TLCD4: variants seen among roughly 807,000 people sequenced by gnomAD.
The protein encoded by TLCD4 is TLC domain-containing protein 4.
A neutral mutation model predicts 24.2 loss-of-function variants in TLCD4; 7 were observed. That is an observed-to-expected ratio of 0.29 (90% CI 0.16 to 0.54). The LOEUF (loss-of-function observed/expected upper bound fraction) is 0.54, where lower values mean the gene tolerates loss of function less well. TLCD4 is among the 20% of genes least tolerant of loss of function. The pLI is 0.95. For synonymous variants in TLCD4, 103 were observed against 106.4 expected (o/e 0.97, Z 0.20); for missense variants, 259 against 313.9 (o/e 0.82, Z 1.32).
the TLCD4 span, among the ~76,000 whole-genome samples, chr1:95,112,159 C>T: frequency 1.2e-4 from 18 of 152,120 alleles, no homozygotes; most frequent in Middle Eastern, 3.4e-3. Context: ...TTTCCTGTGG[C>T]GACAACCAAG....
intron 5 of TLCD4, among the ~76,000 whole-genome samples, chr1:95,168,709 C>T (rs1678104945): frequency 6.6e-6 from 1 of 152,006 alleles, no homozygotes; most frequent in Admixed American, 6.6e-5. Context: ...CTCTCTCCCA[C>T]TCAGAAATAG....
At chr1:95,174,723 A>G (rs59263520) in intron 6 of TLCD4, among the ~76,000 whole-genome samples, 86 of 152,246 alleles carry the variant, frequency 5.6e-4, no homozygotes, top group African/African-American at 1.5e-3. Context: ...TTTTAAATAC[A>G]TACAATGTAA....
At chr1:95,109,360 A>T in the TLCD4 span, among the ~76,000 whole-genome samples, 1 of 150,492 alleles carries the variant, frequency 6.6e-6, no homozygotes, top group African/African-American at 2.4e-5. Flanking sequence ...ATAAATAAAT[A>T]AAATTAAAAC....
the TLCD4 span, among the ~76,000 whole-genome samples, chr1:95,099,053 C>CAAAAAAAAAA: frequency 0.15 from 10,797 of 69,840 alleles, 1,914 homozygotes; most frequent in Non-Finnish European, 0.21. Flanking sequence ...AACTCTGTCT[C>CAAAAAAAAAA]AAAAAAAAAA....
intron 6 of TLCD4, among the ~76,000 whole-genome samples, chr1:95,185,138 G>A (rs542183243): frequency 6.6e-6 from 1 of 152,028 alleles, no homozygotes; most frequent in South Asian, 2.1e-4. Flanking sequence ...GTTTGGGAGT[G>A]TAGTAAGAAT....
the TLCD4 span, among the ~76,000 whole-genome samples, chr1:95,099,177 C>T: frequency 6.6e-6 from 1 of 151,860 alleles, no homozygotes; most frequent in African/African-American, 2.4e-5. Context: ...CCTATAATTC[C>T]AGCACTTTGG....
At chr1:95,178,261 ATTAT>A (rs1678505000) in intron 6 of TLCD4, among the ~76,000 whole-genome samples, 1 of 135,230 alleles carries the variant, frequency 7.4e-6, no homozygotes, top group African/African-American at 2.8e-5. Context: ...TTTAATTTTT[ATTAT>A]TTATTTGTTT....
intron 1 of TLCD4, among the ~76,000 whole-genome samples, chr1:95,135,466 A>G (rs71654411): frequency 0.091 from 13,171 of 144,256 alleles, 636 homozygotes; most frequent in African/African-American, 0.12. Context: ...GCATGATCTC[A>G]GCTTATTGCA....
At chr1:95,174,993 C>T (rs1385162297) in intron 6 of TLCD4, among the ~76,000 whole-genome samples, 2 of 152,134 alleles carry the variant, frequency 1.3e-5, no homozygotes, top group Non-Finnish European at 2.9e-5. Flanking sequence ...CCAGGCTGGT[C>T]TCAAACTCCT....
In TLCD4 at chr1:95,139,455, A is replaced by ATTTTTT. The variant is rs200337389; in HGVS notation, c.-11-4419_-11-4414dup. The stretch of plus-strand genomic sequence containing the variant: ...ATAAACTTTTTTATTTAAACCTTTG[A>ATTTTTT]TTTTTTTTTTTTTTTTTTTTTTGAG... On this transcript the variant is annotated intron_variant, in intron 1 of 6. Transcript: ENST00000370203. Among the ~76,000 whole-genome samples, 65 of 93,980 alleles carry ATTTTTT rather than the reference A, an allele frequency of 6.9e-4. 2 individuals are homozygous for ATTTTTT. The highest frequency in any genetic ancestry group is 9.1e-4 in the Non-Finnish European group (45 of 49,300). The allele number at this position is 93,980 out of a possible 152,430, so 61.7% of individuals were successfully genotyped here.
Position 95,148,762 on chromosome 1 carries a change from C to T in TLCD4, c.216C>T (p.Phe72=), listed in dbSNP as rs922206667. The T allele has an allele frequency of 1.7e-5, 27 of 1,613,542 alleles. No homozygotes were observed. Among genetic ancestry groups the T allele is most frequent in the East Asian group, 2.2e-5 (1 of 44,826 alleles). Residue 72 remains phenylalanine, a synonymous_variant, in exon 3 of 7, where the codon TTC becomes TTT. Transcript: ENST00000370203. ...VGIFGLYIFL[F]DEATKADPLW... Reference sequence around the variant, plus strand: ...TTTTTGGCCTGTACATTTTCTTATTCGATGAGGCTACTAAAGCTGATCCAC... The same window carrying T: ...TTTTTGGCCTGTACATTTTCTTATTTGATGAGGCTACTAAAGCTGATCCAC...
At chr1:95,170,610 T>G (rs2100985465) in intron 5 of TLCD4, among the ~76,000 whole-genome samples, 1 of 152,294 alleles carries the variant, frequency 6.6e-6, no homozygotes, top group East Asian at 1.9e-4. Context: ...ATTACAGGTG[T>G]GAGCCACTGC....
At chr1:95,104,889 G>A in the TLCD4 span, among the ~76,000 whole-genome samples, 1 of 151,806 alleles carries the variant, frequency 6.6e-6, no homozygotes, top group Non-Finnish European at 1.5e-5. Context: ...GCATGGTGGG[G>A]TGCACGTGTA....
At chr1:95,183,856 CAAAAACAAA>C (rs1678736723) in intron 6 of TLCD4, among the ~76,000 whole-genome samples, 1 of 150,648 alleles carries the variant, frequency 6.6e-6, no homozygotes, top group Non-Finnish European at 1.5e-5. Flanking sequence ...ACATAAAAAA[CAAAAACAAA>C]AAAAACAAAA....
chr1:95,179,394 A>G (rs1046854242), intron 6 of TLCD4, among the ~76,000 whole-genome samples: 4 of 152,196 alleles, frequency 2.6e-5, no homozygotes, highest in Non-Finnish European at 4.4e-5. Context: ...ACAAAGTTAT[A>G]CTGGAGCACA....
At chr1:95,124,906 G>A (rs1034334843) in intron 1 of TLCD4, among the ~76,000 whole-genome samples, 1 of 151,994 alleles carries the variant, frequency 6.6e-6, no homozygotes, top group Admixed American at 6.6e-5. Flanking sequence ...ACACAACAAG[G>A]ATGGTACTTA....
At chr1:95,117,106 C>T (rs368961027), upstream of TLCD4, among the ~76,000 whole-genome samples, 15 of 152,354 alleles carry the variant, frequency 9.8e-5, no homozygotes, top group Middle Eastern at 3.4e-3. Flanking sequence ...TCACACAGTT[C>T]CCCCGCTGGC....
intron 4 of TLCD4, 126 bp from the exon 5 acceptor site, chr1:95,151,199 G>T: frequency 2.2e-6 from 2 of 905,616 alleles, no homozygotes; most frequent in Non-Finnish European, 3.5e-6. Context: ...CTAACTGAGG[G>T]ATGAACAAAG....
At chr1:95,160,691 T>G (rs1343498718) in intron 5 of TLCD4, among the ~76,000 whole-genome samples, 1 of 152,228 alleles carries the variant, frequency 6.6e-6, no homozygotes, top group Non-Finnish European at 1.5e-5. Context: ...ATACCTAGTT[T>G]ATTGAGAGTT....
Sources: allele counts gnomAD v4.1 joint callset (sites outside exome capture counted in the v4.1 genomes callset), GRCh38; gene constraint gnomAD v4.1.1; transcripts MANE v1.5; gene names NCBI Gene and HGNC (gene_info 2026-07-23, HGNC 2026-07-21).